Variants in VASH2 observed in about 807,000 individuals in gnomAD.
The protein encoded by VASH2 is vasohibin 2, also known as tubulinyl-Tyr carboxypeptidase 2.
Under a neutral mutation model 37.2 loss-of-function variants are expected in VASH2, and 28 were observed. That is an observed-to-expected ratio of 0.75 (90% confidence interval 0.56 to 1.03). VASH2 has a LOEUF of 1.03. VASH2 is among the 50% of genes least tolerant of loss of function. The probability of loss-of-function intolerance (pLI) is 0.00; values close to 1 mark genes in which losing one functional copy is unlikely to be tolerated. For missense variants in VASH2, 419 were observed against 459.1 expected, an observed-to-expected ratio of 0.91 and a Z score of 0.80; for synonymous variants, 188 against 174.7, an observed-to-expected ratio of 1.08 and a Z score of -0.60.
chr1:212,953,984 C>T (rs1489779959), intron 2 of VASH2, among the ~76,000 whole-genome samples: 1 of 151,664 alleles, frequency 6.6e-6, no homozygotes. Flanking sequence ...TCATGGCTCA[C>T]GGCAGCCTCA....
intron 7 of VASH2, among the ~76,000 whole-genome samples, chr1:212,981,093 G>A (rs1040438045): frequency 3.3e-5 from 5 of 152,208 alleles, no homozygotes; most frequent in Non-Finnish European, 7.3e-5. Flanking sequence ...AGAGCTGAGG[G>A]GTTCTTGTCC....
chr1:212,986,396 A>T (rs1667479968), intron 7 of VASH2, among the ~76,000 whole-genome samples: 1 of 152,216 alleles, frequency 6.6e-6, no homozygotes, highest in South Asian at 2.1e-4. Context: ...ATTTGTAAAG[A>T]TGACACCACC....
intron 4 of VASH2, 112 bp from the exon 5 acceptor site, chr1:212,966,159 C>A (rs543735688): frequency 1.1e-6 from 1 of 901,564 alleles, no homozygotes; most frequent in Non-Finnish European, 1.7e-6. Context: ...CTTTTCCCTC[C>A]GTGCTCCTGT....
chr1:212,969,197 T>C (rs1019632174), intron 5 of VASH2: 237 of 735,274 alleles, frequency 3.2e-4, no homozygotes, highest in South Asian at 3.7e-4. Flanking sequence ...TCTTCTTCTT[T>C]TTTTTTTTTT....
chr1:212,973,926 G>A, intron 6 of VASH2, 29 bp from the exon 7 acceptor site: 1 of 1,609,066 alleles, frequency 6.2e-7, no homozygotes, highest in Non-Finnish European at 8.5e-7. Context: ...TTAGGAACCA[G>A]GGTGATTAAC....
intron 2 of VASH2, among the ~76,000 whole-genome samples, chr1:212,954,106 T>C (rs770702211): frequency 2.6e-5 from 4 of 152,040 alleles, no homozygotes; most frequent in Admixed American, 6.5e-5. Flanking sequence ...AGAGACAAGC[T>C]CTCACCGTGT....
At chr1:212,975,349 G>A (rs571529411) in intron 7 of VASH2, among the ~76,000 whole-genome samples, 13 of 152,368 alleles carry the variant, frequency 8.5e-5, no homozygotes, top group South Asian at 4.1e-4. Context: ...AATGGCTGTC[G>A]TTCTGGGTTG....
chr1:212,957,299 C>T (rs1485671097), intron 2 of VASH2, among the ~76,000 whole-genome samples: 1 of 152,224 alleles, frequency 6.6e-6, no homozygotes, highest in African/African-American at 2.4e-5. Flanking sequence ...TCAATGGACA[C>T]TTGGGTTGCT....
At chr1:212,976,375 A>T (rs1006530243) in intron 7 of VASH2, among the ~76,000 whole-genome samples, 23 of 152,218 alleles carry the variant, frequency 1.5e-4, no homozygotes, top group Admixed American at 9.8e-4. Context: ...AAGCCCAGGC[A>T]TTTGAGACCA....
At chr1:212,952,234 C>CT (rs749127440) in intron 2 of VASH2, among the ~76,000 whole-genome samples, 1 of 152,236 alleles carries the variant, frequency 6.6e-6, no homozygotes, top group Non-Finnish European at 1.5e-5. Context: ...CTCTGCTCCC[C>CT]TCTTCCCCCA....
chr1:212,987,052 AGAG>A (rs1667498584), intron 7 of VASH2, among the ~76,000 whole-genome samples: 1 of 151,950 alleles, frequency 6.6e-6, no homozygotes, highest in Admixed American at 6.6e-5. Context: ...AGAGAGAGAG[AGAG>A]AAAAGGGGTA....
In VASH2 at chr1:212,972,563, G is replaced by T; in HGVS notation, c.498-17G>T. 1.9e-6 allele frequency: 3 copies of T among 1,599,908 alleles called. No homozygotes were observed. The highest frequency in any genetic ancestry group is 1.1e-5 in the South Asian group (1 of 88,384). ...TTTCAAGGCCTCCTTTCTCTTCCTT[G>T]ACTCAGATTGTCTAAGCTACTTAAC... On this transcript the variant is annotated splice_polypyrimidine_tract_variant and intron_variant, in intron 5 of 7. Transcript: ENST00000517399.
intron 2 of VASH2, among the ~76,000 whole-genome samples, chr1:212,958,781 A>G (rs1036527521): frequency 2.0e-5 from 3 of 151,532 alleles, no homozygotes; most frequent in Admixed American, 2.0e-4. Context: ...TGGCCCATTT[A>G]TGGCTCACTG....
chr1:212,951,948 C>T lies in VASH2; in HGVS notation c.276+130C>T. ...TCCTGCTACAAACTCCCTTCCTCTC[C>T]CCATTCCTTCCTGCCAGCCCTTTTC... On this transcript the variant is annotated intron_variant, in intron 2 of 7. Transcript: ENST00000517399. The surrounding 1 kb of genome is among the most constrained non-coding windows in gnomAD (Gnocchi z 4.4). The T allele has an allele frequency of 1.8e-6, 2 of 1,097,594 alleles. No individual in the cohort carries two copies. Among genetic ancestry groups the T allele is most frequent in the East Asian group, 2.6e-5 (1 of 38,328 alleles). 68.0% of individuals were successfully genotyped at this position (1,097,594 alleles called of 1,614,324 possible). A position where few individuals can be genotyped will look rare whatever the true frequency, so the allele number is the denominator to read the frequency against.
intron 5 of VASH2, chr1:212,967,043 C>A: frequency 7.9e-7 from 1 of 1,258,474 alleles, no homozygotes; most frequent in Non-Finnish European, 1.1e-6. Context: ...TCGCGCCTGG[C>A]TCGCCAGGGA....
chr1:212,968,738 T>C (rs894297325), intron 5 of VASH2: 2 of 985,382 alleles, frequency 2.0e-6, no homozygotes, highest in East Asian at 1.1e-4. Flanking sequence ...GCCACAGCTG[T>C]TCAGCGAAGC....
rs2075821510 is a variant in VASH2 at position 212,988,514 on chromosome 1, C to T, written c.998C>T (p.Pro333Leu). The change falls in exon 8 of 8, where the codon CCT becomes CTT. Residue 333 changes from proline (P) to leucine (L), a missense_variant and splice_region_variant. Physicochemically the swap from Pro to Leu is moderately conservative, Grantham distance 98. Transcript: ENST00000517399. The part of the protein sequence containing the change: ...PRRLGRREKS[P>L]ALPEKKVADL... The stretch of plus-strand genomic sequence containing the variant: ...ATATTTCTGTCTTTTACCCTTAGGC[C>T]TGCACTGCCTGAAAAGAAGGTGGCT... The T allele has an allele frequency of 6.2e-7, 1 of 1,614,056 alleles. No individual in the cohort carries two copies. Among genetic ancestry groups the T allele is most frequent in the East Asian group, 2.2e-5 (1 of 44,882 alleles).
At chr1:212,968,595 C>T (rs1666917072) in intron 5 of VASH2, 9 of 985,396 alleles carry the variant, frequency 9.1e-6, no homozygotes, top group South Asian at 4.7e-5. Flanking sequence ...CCCTCCCCAA[C>T]CCTCTTGTCA....
At chr1:212,982,626 G>A (rs1667370433) in intron 7 of VASH2, among the ~76,000 whole-genome samples, 2 of 151,966 alleles carry the variant, frequency 1.3e-5, no homozygotes, top group African/African-American at 2.4e-5. Context: ...TTCTGGCTGG[G>A]CCCCACAGGC....
Sources: allele counts gnomAD v4.1 joint callset (sites outside exome capture counted in the v4.1 genomes callset), GRCh38; gene constraint gnomAD v4.1.1; non-coding constraint Gnocchi (gnomAD v3.1); transcripts MANE v1.5; gene names NCBI Gene and HGNC (gene_info 2026-07-23, HGNC 2026-07-21).